The following GNG2 variants were observed in gnomAD, a reference collection of about 807,000 sequenced individuals.
The protein encoded by GNG2 is G protein subunit gamma 2.
A neutral mutation model predicts 5.5 loss-of-function variants in GNG2; 5 were observed. The ratio of observed to expected loss-of-function variants is 0.91; its 90% CI spans 0.48 to 1.92. The LOEUF (loss-of-function observed/expected upper bound fraction) is 1.92, where lower values mean the gene tolerates loss of function less well. GNG2 is among the 30% of genes most tolerant of loss of function. The pLI, the probability that GNG2 is intolerant of heterozygous loss-of-function variation, is 0.01. For missense variants in GNG2, 55 were observed against 88.4 expected (o/e 0.62, Z 1.52); for synonymous variants, 28 against 32.0 (o/e 0.88, Z 0.42).
Position 51,942,589 on chromosome 14 carries a change from C to CTTTCTTTCTTTCTTTCTTTTTTTTTT in GNG2, c.-29-8058_-29-8057insCTTTCTTTCTTTCTTTTTTTTTTTTT, listed in dbSNP as rs761049973. ...ATTTTTTCTCTTTCTTTCTTTCTTT[C>CTTTCTTTCTTTCTTTCTTTTTTTTTT]TTTTTTTTTTTTTTTTTAGAGACAG... On this transcript the variant is annotated intron_variant, in intron 2 of 3. Coordinates refer to ENST00000556766, the MANE Select transcript of GNG2 (RefSeq NM_053064.5). 2.1e-3 allele frequency among the ~76,000 whole-genome samples: 167 copies of CTTTCTTTCTTTCTTTCTTTTTTTTTT among 81,070 alleles called. 2 individuals carry two copies. The highest frequency in any genetic ancestry group is 9.1e-3 in the African/African-American group (154 of 16,850). 53.2% of individuals were successfully genotyped at this position (81,070 alleles called of 152,430 possible).
intron 1 of GNG2, among the ~76,000 whole-genome samples, chr14:51,866,680 C>T (rs960796879): frequency 6.6e-6 from 1 of 152,136 alleles, no homozygotes; most frequent in African/African-American, 2.4e-5. Flanking sequence ...CCCCACATGA[C>T]AGAAGGGGCC....
At chr14:51,937,604 T>C (rs1296862466) in intron 2 of GNG2, among the ~76,000 whole-genome samples, 1 of 145,542 alleles carries the variant, frequency 6.9e-6, no homozygotes, top group African/African-American at 2.5e-5. Flanking sequence ...TATGTATTTC[T>C]TTACAAAAGA....
At chr14:51,857,791 G>T (rs555008177), upstream of GNG2, among the ~76,000 whole-genome samples, 2 of 152,282 alleles carry the variant, frequency 1.3e-5, no homozygotes, top group East Asian at 3.9e-4. Context: ...TCCTGATGTG[G>T]GCAACTGGTT....
At chr14:51,933,894 G>A (rs575785975) in intron 2 of GNG2, among the ~76,000 whole-genome samples, 4 of 152,334 alleles carry the variant, frequency 2.6e-5, no homozygotes, top group Non-Finnish European at 1.5e-5. Flanking sequence ...AAGGGAAGGT[G>A]TGAAAATCAT....
chr14:51,889,759 T>C (rs1047926996), intron 2 of GNG2, among the ~76,000 whole-genome samples: 3 of 152,204 alleles, frequency 2.0e-5, no homozygotes, highest in Non-Finnish European at 2.9e-5. Context: ...TAGAGATAAA[T>C]TGTGTTCGCA....
Position 51,969,764 on chromosome 14 carries a change from A to G in GNG2, c.*3077A>G, listed in dbSNP as rs936136162. 5.9e-5 allele frequency: 9 copies of G among 152,364 alleles called. No homozygotes were observed. The highest frequency in any genetic ancestry group is 2.2e-4 in the African/African-American group (9 of 41,592). 9.4% of individuals were successfully genotyped at this position (152,364 alleles called of 1,614,324 possible). ...CATTTTCATCCCACATGGACAATGT[A>G]TGTGTTTTAATAAATGGAATTTTCA... On this transcript the variant is annotated 3_prime_UTR_variant, in exon 4 of 4. Transcript: ENST00000556766.
chr14:51,931,298 T>A (rs1190995471), intron 2 of GNG2, among the ~76,000 whole-genome samples: 1 of 152,154 alleles, frequency 6.6e-6, no homozygotes, highest in Non-Finnish European at 1.5e-5. Flanking sequence ...TCAAAGTTTT[T>A]AATCTGAGCA....
chr14:51,872,171 G>A (rs1883345466), intron 1 of GNG2, among the ~76,000 whole-genome samples: 11 of 152,208 alleles, frequency 7.2e-5, no homozygotes, highest in Admixed American at 7.2e-4. Context: ...AAGCCAGAGA[G>A]TTTTTGAGTT....
intron 3 of GNG2, among the ~76,000 whole-genome samples, chr14:51,957,641 A>G (rs919226037): frequency 3.3e-5 from 5 of 152,184 alleles, no homozygotes; most frequent in Non-Finnish European, 7.3e-5. Flanking sequence ...ACACTGACCC[A>G]TTACTACCTT....
At chr14:51,885,778 C>T (rs1015578740) in intron 2 of GNG2, among the ~76,000 whole-genome samples, 1 of 152,118 alleles carries the variant, frequency 6.6e-6, no homozygotes, top group Non-Finnish European at 1.5e-5. Flanking sequence ...TTTAGATACA[C>T]TTCATGGGAA....
chr14:51,830,566 T>G (rs1336051729), intron 2 of GNG2, among the ~76,000 whole-genome samples: 1 of 152,236 alleles, frequency 6.6e-6, no homozygotes, highest in South Asian at 2.1e-4. Flanking sequence ...TATATCCTTC[T>G]AATTAAGCCA....
chr14:51,910,338 A>G (rs1044357115), intron 2 of GNG2, among the ~76,000 whole-genome samples: 64 of 152,218 alleles, frequency 4.2e-4, no homozygotes, highest in Admixed American at 2.5e-3. Flanking sequence ...TAAGGAACTG[A>G]AAAAGGCCAA....
At chr14:51,828,521 T>C (rs1433531589) in intron 2 of GNG2, among the ~76,000 whole-genome samples, 2 of 152,150 alleles carry the variant, frequency 1.3e-5, no homozygotes, top group African/African-American at 2.4e-5. Context: ...AACAAGGAGA[T>C]AATCACAAAA....
chr14:51,947,348 A>T (rs1888701307), intron 2 of GNG2, among the ~76,000 whole-genome samples: 1 of 152,182 alleles, frequency 6.6e-6, no homozygotes, highest in South Asian at 2.1e-4. Flanking sequence ...AAAATAGATT[A>T]TCCTGGATTA....
intron 2 of GNG2, among the ~76,000 whole-genome samples, chr14:51,894,868 T>C (rs1885083495): frequency 2.0e-5 from 3 of 152,120 alleles, no homozygotes; most frequent in Admixed American, 2.0e-4. Context: ...ATGGCCTAAG[T>C]AGCAGTATAG....
intron 3 of GNG2, 62 bp downstream of exon 3, chr14:51,950,827 A>C: frequency 1.1e-6 from 1 of 946,426 alleles, no homozygotes; most frequent in Non-Finnish European, 1.6e-6. Context: ...TCATGTGACC[A>C]CTCTTTCCTA....
At chr14:51,839,338 A>G (rs540539917) in intron 2 of GNG2, among the ~76,000 whole-genome samples, 3 of 152,328 alleles carry the variant, frequency 2.0e-5, no homozygotes, top group Admixed American at 6.5e-5. Flanking sequence ...TAAGAGACAA[A>G]TGGTTGCATT....
chr14:51,901,356 T>C lies in GNG2; in HGVS notation c.-30+23699T>C, dbSNP rs182294555. 9.2e-5 allele frequency among the ~76,000 whole-genome samples: 14 copies of C among 151,832 alleles called. No individual in the cohort carries two copies. The East Asian group carries it at 2.5e-3, about 27-fold the overall frequency. On this transcript the variant is annotated intron_variant, in intron 2 of 3. Transcript: ENST00000556766. ...TGTGCACCACCATGCCCAGCTAATTTTTTTTTTTCTATTTTTTGTAGTGAA... is the reference window on the plus strand; with the variant it reads ...TGTGCACCACCATGCCCAGCTAATTCTTTTTTTTCTATTTTTTGTAGTGAA...
Position 51,881,517 on chromosome 14 carries a change from C to T in GNG2, c.-30+3860C>T, listed in dbSNP as rs138602591. Among the ~76,000 whole-genome samples, 9 of 152,264 alleles carry T rather than the reference C, an allele frequency of 5.9e-5. No individual in the cohort carries two copies. The East Asian group carries it at 1.7e-3, about 29-fold the overall frequency. On this transcript the variant is annotated intron_variant, in intron 2 of 3. Coordinates refer to ENST00000556766, the MANE Select transcript of GNG2 (RefSeq NM_053064.5). ...TCTGCCAGCATCATCCGTAGCAAAA[C>T]CACACTGAGAAATCAGGGAAGCTGA...
Sources: allele counts gnomAD v4.1 joint callset (sites outside exome capture counted in the v4.1 genomes callset), GRCh38; gene constraint gnomAD v4.1.1; transcripts MANE v1.5; gene names NCBI Gene and HGNC (gene_info 2026-07-23, HGNC 2026-07-21).